Variants in DNAH6 observed in about 807,000 individuals in gnomAD.
DNAH6 encodes the protein axonemal beta dynein heavy chain 6.
Under a neutral mutation model 491.4 loss-of-function variants are expected in DNAH6, and 340 were observed. The ratio of observed to expected loss-of-function variants is 0.69; its 90% CI spans 0.63 to 0.76. The LOEUF is 0.76. Ranked by LOEUF, DNAH6 falls within the 30% of genes least tolerant of loss-of-function variation. The pLI is 0.00. For synonymous variants in DNAH6, 1,603 were observed against 1,686.1 expected, an observed-to-expected ratio of 0.95 and a Z score of 1.21; for missense variants, 4,443 against 4,972.2, an observed-to-expected ratio of 0.89 and a Z score of 3.20.
intron 55 of DNAH6, among the ~76,000 whole-genome samples, chr2:84,709,794 C>T (rs1474696854): frequency 6.6e-6 from 1 of 152,146 alleles, no homozygotes; most frequent in Non-Finnish European, 1.5e-5. Context: ...GGGGAATGAC[C>T]ATTCATTTTT....
the DNAH6 span, among the ~76,000 whole-genome samples, chr2:84,497,360 A>G: frequency 1.3e-5 from 2 of 152,168 alleles, no homozygotes; most frequent in Admixed American, 1.3e-4. Context: ...GTATCAACAG[A>G]TTGTTCCTTT....
At chr2:84,734,226 AG>A (rs1352338829) in intron 62 of DNAH6, among the ~76,000 whole-genome samples, 2 of 149,958 alleles carry the variant, frequency 1.3e-5, no homozygotes, top group Non-Finnish European at 3.0e-5. Flanking sequence ...GCTCACTGCA[AG>A]CTCCGCCTCC....
chr2:84,715,759 A>G (rs76019138), intron 58 of DNAH6, 132 bp downstream of exon 58: 13 of 831,576 alleles, frequency 1.6e-5, no homozygotes, highest in Non-Finnish European at 2.4e-5. Context: ...TCAAAAAAAA[A>G]TACAAGTAAG....
intron 16 of DNAH6, among the ~76,000 whole-genome samples, chr2:84,589,445 C>CTT (rs1683879593): frequency 6.6e-6 from 1 of 152,158 alleles, no homozygotes; most frequent in Non-Finnish European, 1.5e-5. Context: ...GGAGCAGTGG[C>CTT]TTATGCCTGT....
At chr2:84,623,810 T>C (rs1687613777) in intron 26 of DNAH6, among the ~76,000 whole-genome samples, 1 of 152,240 alleles carries the variant, frequency 6.6e-6, no homozygotes, top group Non-Finnish European at 1.5e-5. Flanking sequence ...TAACCAGTCA[T>C]TGGCTAGCTT....
chr2:84,511,211 T>C, the DNAH6 span, among the ~76,000 whole-genome samples: 1 of 152,308 alleles, frequency 6.6e-6, no homozygotes, highest in Middle Eastern at 3.4e-3. Context: ...TGAACTGCGG[T>C]GGGCTCCACC....
At chr2:84,806,618 CAAAAAAAAAA>C (rs1162301447) in intron 71 of DNAH6, among the ~76,000 whole-genome samples, 1 of 38,504 alleles carries the variant, frequency 2.6e-5, no homozygotes, top group Non-Finnish European at 5.3e-5. Context: ...GACTCAGTCT[CAAAAAAAAAA>C]AAAAAAAAAA....
intron 64 of DNAH6, among the ~76,000 whole-genome samples, chr2:84,775,206 ATTTT>A (rs895301500): frequency 2.0e-5 from 3 of 151,796 alleles, no homozygotes; most frequent in African/African-American, 7.3e-5. Flanking sequence ...TTTTTTAATA[ATTTT>A]TGTCATGAAG....
intron 4 of DNAH6, among the ~76,000 whole-genome samples, chr2:84,537,420 G>A (rs2104489554): frequency 6.6e-6 from 1 of 152,042 alleles, no homozygotes; most frequent in Admixed American, 6.6e-5. Flanking sequence ...AGGCCAGAGT[G>A]GCTTTCATAT....
Position 84,727,794 on chromosome 2 carries a change from T to C in DNAH6, c.10098T>C (p.His3366=). The C allele has an allele frequency of 6.4e-7, 1 of 1,551,802 alleles. No homozygotes were observed. The highest frequency in any genetic ancestry group is 8.7e-7 in the Non-Finnish European group (1 of 1,146,880). The change falls in exon 61 of 77, where the codon CAT becomes CAC. Residue 3366 remains histidine, a synonymous_variant. Coordinates refer to ENST00000389394, the MANE Select transcript of DNAH6 (RefSeq NM_001370.2). ...VNVSRGLFEQ[H]KLIYSFMLCV... ...TTTCAAGAGGACTTTTTGAGCAACATAAACTCATCTACAGCTTTATGCTTT... is the reference window on the plus strand; with the variant it reads ...TTTCAAGAGGACTTTTTGAGCAACACAAACTCATCTACAGCTTTATGCTTT...
intron 10 of DNAH6, among the ~76,000 whole-genome samples, chr2:84,553,628 ATTTT>A (rs748931607): frequency 1.2e-4 from 11 of 90,998 alleles, no homozygotes; most frequent in African/African-American, 3.1e-4. Flanking sequence ...AGGACTGGCT[ATTTT>A]TTTTTTTTTT....
the DNAH6 span, among the ~76,000 whole-genome samples, chr2:84,487,770 G>A: frequency 6.6e-6 from 1 of 152,146 alleles, no homozygotes; most frequent in African/African-American, 2.4e-5. Flanking sequence ...CAGAGAGCAA[G>A]GGCAGGCCCC....
chr2:84,615,437 C>T (rs892937680), intron 22 of DNAH6, among the ~76,000 whole-genome samples: 1 of 152,008 alleles, frequency 6.6e-6, no homozygotes. Context: ...GTGACTATGG[C>T]CTTGTAGTAT....
chr2:84,798,140 C>A (rs1678517198), intron 70 of DNAH6, among the ~76,000 whole-genome samples: 1 of 152,102 alleles, frequency 6.6e-6, no homozygotes, highest in Non-Finnish European at 1.5e-5. Context: ...AGATCATAAC[C>A]CAGAGCAAAC....
intron 37 of DNAH6, among the ~76,000 whole-genome samples, chr2:84,664,163 A>T (rs140043490): frequency 1.3e-5 from 2 of 152,170 alleles, no homozygotes; most frequent in African/African-American, 4.8e-5. Context: ...AGTAAACATC[A>T]TCGAGGCTAG....
rs751992712 is a variant in DNAH6 at position 84,577,257 on chromosome 2, A to G, written c.1925A>G (p.Asp642Gly). The G allele has an allele frequency of 2.6e-6, 4 of 1,567,816 alleles. No homozygotes were observed. The highest frequency in any genetic ancestry group is 3.4e-6 in the Non-Finnish European group (4 of 1,159,660). ...GCTTTATGTGAATTTTTTTATGTAG[A>G]TATTAACTTTTTTAGTGAACAACTG... ...DLQALKLQEP[D>G]INFFSEQLEK... The change falls in exon 13 of 77, where the codon GAT (aspartate) becomes GGT (glycine). Residue 642 changes from aspartate (D) to glycine (G), a missense_variant and splice_region_variant. Physicochemically the swap from Asp to Gly is moderately conservative, Grantham distance 94. Around this residue, in one of 3 missense-constraint regions of DNAH6, gnomAD observed 2,977 missense variants for 3,296.6 expected, o/e 0.90. Coordinates refer to ENST00000389394, the MANE Select transcript of DNAH6 (RefSeq NM_001370.2).
chr2:84,596,877 A>G (rs887299663), intron 18 of DNAH6, among the ~76,000 whole-genome samples: 3 of 152,192 alleles, frequency 2.0e-5, no homozygotes, highest in African/African-American at 7.2e-5. Flanking sequence ...AAACAAATTT[A>G]TTTGTTAAAG....
chr2:84,521,242 T>G (rs1676110964), intron 2 of DNAH6, among the ~76,000 whole-genome samples: 1 of 152,148 alleles, frequency 6.6e-6, no homozygotes, highest in Admixed American at 6.5e-5. Flanking sequence ...GAGCTTTTTT[T>G]CATATGCTTG....
chr2:84,818,435 TAATCA>T (rs1395118071), intron 76 of DNAH6, among the ~76,000 whole-genome samples: 1 of 111,888 alleles, frequency 8.9e-6, no homozygotes, highest in Non-Finnish European at 1.6e-5. Flanking sequence ...CAGTTAGCCA[TAATCA>T]AACCACTGCA....
Sources: gnomAD v4.1 joint callset for allele counts (sites outside exome capture counted in the v4.1 genomes callset) on GRCh38, gnomAD v4.1.1 for gene constraint, gnomAD v4.1.1 regional missense constraint, MANE v1.5 for transcripts, NCBI Gene and HGNC (gene_info 2026-07-23, HGNC 2026-07-21) for gene names.